Variants in ITGBL1 observed in about 807,000 individuals in gnomAD.
ITGBL1 encodes the protein integrin subunit beta like 1, also known as integrin beta-like protein 1.
A neutral mutation model predicts 68.5 loss-of-function variants in ITGBL1; 51 were observed. The observed-to-expected ratio is 0.74, with a 90% CI of 0.59 to 0.94. The LOEUF is 0.94. ITGBL1 is among the 40% of genes least tolerant of loss of function. The pLI is 0.00. For missense variants in ITGBL1, 649 were observed against 647.4 expected (o/e 1.00, Z -0.03); for synonymous variants, 209 against 227.3 (o/e 0.92, Z 0.72).
At position 101,483,708 on chromosome 13, in the gene ITGBL1, A is replaced by G. The variant is rs78817646; in HGVS notation, c.316+29608A>G. On this transcript the variant is annotated intron_variant, in intron 2 of 10. Coordinates refer to ENST00000376180, the MANE Select transcript of ITGBL1 (RefSeq NM_004791.3). ...TTTGAATATGTTTTTCTAAAATTCA[A>G]TTTTTTTCCTTCTTAATATAAAAAT... Among the ~76,000 whole-genome samples, 696 of 152,158 alleles carry G rather than the reference A, an allele frequency of 4.6e-3. 21 individuals carry two copies. The East Asian group carries it at 0.1, about 22-fold the overall frequency.
intron 2 of ITGBL1, among the ~76,000 whole-genome samples, chr13:101,488,794 T>C (rs1157198545): frequency 1.3e-5 from 2 of 152,174 alleles, no homozygotes; most frequent in Non-Finnish European, 2.9e-5. Flanking sequence ...TCATTAAAGA[T>C]TAAAGAAGAT....
chr13:101,531,740 T>TTTAC (rs1293395858), intron 2 of ITGBL1, among the ~76,000 whole-genome samples: 4 of 150,322 alleles, frequency 2.7e-5, no homozygotes, highest in African/African-American at 9.8e-5. Flanking sequence ...TATTTATTTA[T>TTTAC]TTATGTTTTT....
chr13:101,687,368 A>T (rs1340171555), intron 7 of ITGBL1, among the ~76,000 whole-genome samples: 1 of 152,060 alleles, frequency 6.6e-6, no homozygotes, highest in South Asian at 2.1e-4. Flanking sequence ...TAGACACTTT[A>T]TCTGAATCTT....
chr13:101,644,303 G>T (rs1021987308), intron 7 of ITGBL1, among the ~76,000 whole-genome samples: 5 of 152,158 alleles, frequency 3.3e-5, no homozygotes, highest in African/African-American at 4.8e-5. Flanking sequence ...TAAAGTAGAG[G>T]GAGATGGTCA....
At position 101,579,280 on chromosome 13, in the gene ITGBL1, G is replaced by A; in HGVS notation, c.587-7G>A. 6.2e-7 allele frequency: 1 copy of A among 1,612,108 alleles called. No homozygotes were observed. The highest frequency in any genetic ancestry group is 1.3e-5 in the African/African-American group (1 of 74,964). On this transcript the variant is annotated splice_region_variant and splice_polypyrimidine_tract_variant and intron_variant, in intron 4 of 10. Coordinates refer to ENST00000376180, the MANE Select transcript of ITGBL1 (RefSeq NM_004791.3). ...TCCTCACTGTATAAAATTCATTTTG[G>A]GTAAAGGCCATGGGAAGTGTTACTG... is the stretch of plus-strand genomic sequence containing the variant.
At chr13:101,494,581 CAGA>C (rs2048828459) in intron 2 of ITGBL1, among the ~76,000 whole-genome samples, 1 of 151,952 alleles carries the variant, frequency 6.6e-6, no homozygotes, top group Non-Finnish European at 1.5e-5. Context: ...GACAATAATC[CAGA>C]AGAAGGAAAA....
At position 101,708,065 on chromosome 13, in the gene ITGBL1, A is replaced by C. The variant is rs2034304403; in HGVS notation, c.1279+1163A>C. Among the ~76,000 whole-genome samples the C allele has an allele frequency of 1.3e-5, 2 of 150,372 alleles. 1 individual carries two copies. The highest frequency in any genetic ancestry group is 1.3e-4 in the Admixed American group (2 of 15,106). ...CACACACACACACACACACACACAC[A>C]CACATACACACAAATTGGAAGAGGA... is the stretch of plus-strand genomic sequence containing the variant. On this transcript the variant is annotated intron_variant, in intron 9 of 10. Coordinates refer to ENST00000376180, the MANE Select transcript of ITGBL1 (RefSeq NM_004791.3).
chr13:101,569,324 G>A (rs943766644), intron 3 of ITGBL1, among the ~76,000 whole-genome samples: 2 of 152,010 alleles, frequency 1.3e-5, no homozygotes, highest in East Asian at 3.9e-4. Flanking sequence ...TTCTAAAGAT[G>A]TTTAATATTA....
At chr13:101,703,713 G>A (rs2034187559) in intron 8 of ITGBL1, among the ~76,000 whole-genome samples, 1 of 152,130 alleles carries the variant, frequency 6.6e-6, no homozygotes. Flanking sequence ...ATCATGAACT[G>A]GTTGATTGAA....
At chr13:101,633,088 T>C (rs946309023) in intron 7 of ITGBL1, among the ~76,000 whole-genome samples, 2 of 152,170 alleles carry the variant, frequency 1.3e-5, no homozygotes, top group East Asian at 3.9e-4. Flanking sequence ...TCTGTTGGAA[T>C]TGGAAGGGCT....
intron 2 of ITGBL1, among the ~76,000 whole-genome samples, chr13:101,540,433 C>T (rs2049673527): frequency 6.6e-6 from 1 of 152,094 alleles, no homozygotes; most frequent in Admixed American, 6.5e-5. Flanking sequence ...GGTACCAGTA[C>T]CATGCTGTTT....
chr13:101,693,859 A>C (rs1363689443), intron 8 of ITGBL1, among the ~76,000 whole-genome samples: 1 of 152,136 alleles, frequency 6.6e-6, no homozygotes, highest in Non-Finnish European at 1.5e-5. Context: ...TTGCAGTCAG[A>C]CCTTGGTGAT....
chr13:101,612,438 G>A (rs1566757986), intron 7 of ITGBL1, among the ~76,000 whole-genome samples: 1 of 152,142 alleles, frequency 6.6e-6, no homozygotes. Context: ...GTAGTGCCTG[G>A]TAAAGTCTCT....
chr13:101,512,447 G>C (rs1566709375), intron 2 of ITGBL1, among the ~76,000 whole-genome samples: 1 of 152,126 alleles, frequency 6.6e-6, no homozygotes, highest in South Asian at 2.1e-4. Context: ...TGCTTTGTAA[G>C]ATTTATGTTT....
intron 2 of ITGBL1, among the ~76,000 whole-genome samples, chr13:101,481,164 G>C (rs1200192767): frequency 6.8e-6 from 1 of 145,992 alleles, no homozygotes; most frequent in Non-Finnish European, 1.5e-5. Context: ...ATATATATGA[G>C]AGAGAGCATA....
intron 7 of ITGBL1, among the ~76,000 whole-genome samples, chr13:101,630,723 G>T (rs1313677753): frequency 6.6e-6 from 1 of 152,012 alleles, no homozygotes; most frequent in Non-Finnish European, 1.5e-5. Flanking sequence ...ATCTCCCCTG[G>T]TAAGTGCTGA....
rs1237892011 is a variant in ITGBL1, at chr13:101,643,107, A to T, written c.1015+44808A>T. Among the ~76,000 whole-genome samples the T allele has an allele frequency of 9.9e-5, 15 of 151,708 alleles. No homozygotes were observed. The East Asian group carries it at 2.5e-3, about 25-fold the overall frequency. Reference sequence around the variant, plus strand: ...TTTTTCCAATTCTGTGAAGAAAGTCATTGGTAGCTTGATGGGGATGGCATT... The same window carrying T: ...TTTTTCCAATTCTGTGAAGAAAGTCTTTGGTAGCTTGATGGGGATGGCATT... On this transcript the variant is annotated intron_variant, in intron 7 of 10. Coordinates refer to ENST00000376180, the MANE Select transcript of ITGBL1 (RefSeq NM_004791.3).
chr13:101,610,505 T>C (rs1051978066), intron 7 of ITGBL1, among the ~76,000 whole-genome samples: 11 of 152,196 alleles, frequency 7.2e-5, no homozygotes, highest in African/African-American at 2.7e-4. Context: ...ATAAACGATG[T>C]TGCTTATCAT....
At chr13:101,455,476 C>T (rs955155208) in intron 2 of ITGBL1, among the ~76,000 whole-genome samples, 5 of 151,960 alleles carry the variant, frequency 3.3e-5, no homozygotes, top group Admixed American at 2.6e-4. Context: ...AGACCAGCCT[C>T]GCCAACTTGC....
Sources: gnomAD v4.1 joint callset for allele counts (sites outside exome capture counted in the v4.1 genomes callset) on GRCh38, gnomAD v4.1.1 for gene constraint, MANE v1.5 for transcripts, NCBI Gene and HGNC (gene_info 2026-07-23, HGNC 2026-07-21) for gene names.